TSC22D3: variants seen among roughly 807,000 people sequenced by gnomAD.
TSC22D3 encodes the protein TSC22 domain family protein 3.
A neutral mutation model predicts 11.1 loss-of-function variants in TSC22D3; 4 were observed. The observed-to-expected ratio is 0.36, with a 90% CI of 0.18 to 0.83. The LOEUF (loss-of-function observed/expected upper bound fraction) is 0.83. TSC22D3 is among the 40% of genes least tolerant of loss of function. TSC22D3 has a pLI of 0.48. For missense variants in TSC22D3, 118 were observed against 159.4 expected, an observed-to-expected ratio of 0.74 and a Z score of 1.40; for synonymous variants, 77 against 70.3, an observed-to-expected ratio of 1.10 and a Z score of -0.48.
At chrX:107,765,507 G>A (rs1424923099) in intron 1 of TSC22D3, among the ~76,000 whole-genome samples, 1 of 111,630 alleles carries the variant, frequency 9.0e-6, no homozygotes, top group Non-Finnish European at 1.9e-5. Flanking sequence ...ATCCTCAGTC[G>A]GTACTCAATA....
chrX:107,758,911 C>T (rs763491871), intron 1 of TSC22D3, among the ~76,000 whole-genome samples: 14 of 110,432 alleles, frequency 1.3e-4, no homozygotes, highest in Non-Finnish European at 2.7e-4. Flanking sequence ...GATGGAGTCT[C>T]GCTCTGTCGC....
At chrX:107,751,813 G>A (rs146184169) in intron 1 of TSC22D3, among the ~76,000 whole-genome samples, 180 of 112,341 alleles carry the variant, frequency 1.6e-3, no homozygotes, top group African/African-American at 5.0e-3. Flanking sequence ...GGCTGCCTGC[G>A]TGGTATGATT....
intron 1 of TSC22D3, among the ~76,000 whole-genome samples, chrX:107,737,356 A>G (rs749779351): frequency 8.9e-6 from 1 of 112,276 alleles, no homozygotes; most frequent in South Asian, 3.7e-4. Context: ...CTGGAAGCTC[A>G]ACCCTGTCCC....
chrX:107,758,030 A>C (rs932973101), intron 1 of TSC22D3, among the ~76,000 whole-genome samples: 4 of 110,749 alleles, frequency 3.6e-5, no homozygotes, highest in Non-Finnish European at 7.6e-5. Context: ...TGTCTCAAAC[A>C]AACAAAACAA....
At chrX:107,722,471 G>A (rs781735263) in intron 1 of TSC22D3, among the ~76,000 whole-genome samples, 3 of 112,305 alleles carry the variant, frequency 2.7e-5, no homozygotes, top group Non-Finnish European at 5.6e-5. Context: ...AACTGCTCTT[G>A]TCAAATCACC....
At chrX:107,759,965 G>A (rs759224535) in intron 1 of TSC22D3, among the ~76,000 whole-genome samples, 1 of 112,457 alleles carries the variant, frequency 8.9e-6, no homozygotes, top group Admixed American at 9.3e-5. Context: ...AGGGAAGCCT[G>A]GAGCTCCTGG....
chrX:107,721,050 T>C (rs1367155091), intron 1 of TSC22D3, among the ~76,000 whole-genome samples: 1 of 111,997 alleles, frequency 8.9e-6, no homozygotes, highest in Non-Finnish European at 1.9e-5. Context: ...CAACTCACAA[T>C]GTAGGCTGGA....
At chrX:107,735,726 C>A (rs1458851256) in intron 1 of TSC22D3, among the ~76,000 whole-genome samples, 5 of 108,363 alleles carry the variant, frequency 4.6e-5, no homozygotes, top group Non-Finnish European at 9.6e-5. Flanking sequence ...TCAGCACCCG[C>A]CCCCCCAGCT....
intron 1 of TSC22D3, among the ~76,000 whole-genome samples, chrX:107,764,819 C>T (rs184904891): frequency 9.0e-6 from 1 of 111,668 alleles, no homozygotes; most frequent in African/African-American, 3.3e-5. Flanking sequence ...TCGACTGCAC[C>T]CCTTGGTTCT....
chrX:107,731,336 G>A (rs1221966352), intron 1 of TSC22D3, among the ~76,000 whole-genome samples: 1 of 111,875 alleles, frequency 8.9e-6, no homozygotes, highest in Non-Finnish European at 1.9e-5. Flanking sequence ...TGGAATAGTA[G>A]TCAGGAAACT....
Position 107,715,786 on chromosome X carries a change from G to T in TSC22D3, c.372+113C>A, listed in dbSNP as rs763014174. 3.2e-6 allele frequency: 3 copies of T among 940,195 alleles called. No individual in the cohort carries two copies. In the East Asian group the frequency reaches 9.3e-5, roughly 29 times the overall value. 77.5% of individuals were successfully genotyped at this position (940,195 alleles called of 1,213,427 possible). On this transcript the variant is annotated intron_variant, in intron 2 of 2. Coordinates refer to ENST00000372383, the MANE Select transcript of TSC22D3 (RefSeq NM_198057.3). Reference sequence around the variant, plus strand: ...AGTGCGGATAGGAGGCAGGCTGTCGGCTTCCTCAGGGTTTTGGCTAAGGGC... The same window carrying T: ...AGTGCGGATAGGAGGCAGGCTGTCGTCTTCCTCAGGGTTTTGGCTAAGGGC...
At chrX:107,770,848 T>G (rs941852134) in intron 1 of TSC22D3, among the ~76,000 whole-genome samples, 4 of 112,697 alleles carry the variant, frequency 3.5e-5, no homozygotes, top group Admixed American at 1.9e-4. Context: ...CTTTTTCATA[T>G]GCTACATTTA....
chrX:107,772,998 G>A (rs753047249), intron 1 of TSC22D3, among the ~76,000 whole-genome samples: 1 of 112,597 alleles, frequency 8.9e-6, no homozygotes, highest in Non-Finnish European at 1.9e-5. Flanking sequence ...GGTTTTGAAC[G>A]CTGAGTGAGT....
chrX:107,716,065 C>A, intron 1 of TSC22D3, 115 bp from the exon 2 acceptor site: 1 of 862,152 alleles, frequency 1.2e-6, no homozygotes. Context: ...CTCTCCTTCT[C>A]GCCTCCCTGG....
intron 1 of TSC22D3, among the ~76,000 whole-genome samples, chrX:107,743,540 A>G (rs1928520349): frequency 8.9e-6 from 1 of 112,094 alleles, no homozygotes; most frequent in Admixed American, 9.4e-5. Context: ...CGGGCCCCAG[A>G]AGCAGTAGTC....
chrX:107,758,220 C>T (rs1214362836), intron 1 of TSC22D3, among the ~76,000 whole-genome samples: 1 of 110,304 alleles, frequency 9.1e-6, no homozygotes, highest in Non-Finnish European at 1.9e-5. Flanking sequence ...CTCACTCTCA[C>T]CATCACACTT....
At position 107,760,403 on chromosome X, in the gene TSC22D3, G is replaced by A. The variant is rs1191388003; in HGVS notation, c.320+14697C>T. On this transcript the variant is annotated intron_variant, in intron 1 of 2. Coordinates refer to ENST00000372383, the MANE Select transcript of TSC22D3 (RefSeq NM_198057.3). ...CTGCACAGCCGTCTAGAGACGAGAAGTCGGAAGATCATTGGATCAGAAAAT... is the reference window on the plus strand; with the variant it reads ...CTGCACAGCCGTCTAGAGACGAGAAATCGGAAGATCATTGGATCAGAAAAT... Among the ~76,000 whole-genome samples the A allele has an allele frequency of 2.7e-5, 3 of 113,063 alleles. No individual in the cohort carries two copies. The Admixed American group carries it at 2.8e-4, about 10-fold the overall frequency.
At chrX:107,767,986 C>T (rs1439189033) in intron 1 of TSC22D3, among the ~76,000 whole-genome samples, 1 of 112,539 alleles carries the variant, frequency 8.9e-6, no homozygotes, top group African/African-American at 3.2e-5. Context: ...GTTTTAGTCT[C>T]AACTTAGCAC....
intron 1 of TSC22D3, among the ~76,000 whole-genome samples, chrX:107,723,830 G>C (rs1927478359): frequency 8.9e-6 from 1 of 112,748 alleles, no homozygotes; most frequent in African/African-American, 3.2e-5. Flanking sequence ...CAGCAACCAG[G>C]AGGATCTTGT....
Sources: gnomAD v4.1 joint callset for allele counts (sites outside exome capture counted in the v4.1 genomes callset) on GRCh38, gnomAD v4.1.1 for gene constraint, MANE v1.5 for transcripts, NCBI Gene and HGNC (gene_info 2026-07-23, HGNC 2026-07-21) for gene names.